The following AKAP19 variants were observed in gnomAD, a reference collection of about 807,000 sequenced individuals.
The protein encoded by AKAP19 is small A-kinase anchoring protein.
chr2:189,987,228 A>T, the AKAP19 span, among the ~76,000 whole-genome samples: 2 of 152,154 alleles, frequency 1.3e-5, no homozygotes, highest in African/African-American at 4.8e-5. Flanking sequence ...TGATGGGTTT[A>T]TGAGGGGGTT....
the AKAP19 span, among the ~76,000 whole-genome samples, chr2:190,094,154 T>C: frequency 6.6e-6 from 1 of 152,236 alleles, no homozygotes; most frequent in Non-Finnish European, 1.5e-5. Context: ...GTCTTGTGGC[T>C]GGAAAGCAAG....
At chr2:190,046,712 A>G in the AKAP19 span, among the ~76,000 whole-genome samples, 1 of 152,352 alleles carries the variant, frequency 6.6e-6, no homozygotes, top group African/African-American at 2.4e-5. Flanking sequence ...CAAGTATCTA[A>G]TATCAAATTG....
the AKAP19 span, among the ~76,000 whole-genome samples, chr2:190,195,944 T>TC: frequency 0.18 from 24,738 of 140,426 alleles, 2,718 homozygotes; most frequent in East Asian, 0.36. Context: ...TGTCCAGCTT[T>TC]TTTTTTTTTT....
chr2:190,142,183 C>T, the AKAP19 span, among the ~76,000 whole-genome samples: 1 of 152,162 alleles, frequency 6.6e-6, no homozygotes, highest in African/African-American at 2.4e-5. Context: ...AGTGTTTCAG[C>T]AAGTTGTTTC....
At chr2:190,197,677 T>C in the AKAP19 span, among the ~76,000 whole-genome samples, 1 of 152,188 alleles carries the variant, frequency 6.6e-6, no homozygotes, top group Non-Finnish European at 1.5e-5. The surrounding 1 kb of genome is among the most constrained non-coding windows in gnomAD (Gnocchi z 4.0). Context: ...GTGTTTTTCT[T>C]CTCTCAGGGA....
the AKAP19 span, among the ~76,000 whole-genome samples, chr2:189,897,296 T>G: frequency 6.6e-6 from 1 of 152,164 alleles, no homozygotes; most frequent in Non-Finnish European, 1.5e-5. Context: ...ACAAACCTTG[T>G]TATATATAAT....
At chr2:190,120,159 A>G in the AKAP19 span, among the ~76,000 whole-genome samples, 4 of 152,252 alleles carry the variant, frequency 2.6e-5, no homozygotes, top group Admixed American at 1.3e-4. Context: ...TTCCTGTCAG[A>G]TCAGCTGCAG....
At chr2:190,127,440 G>T in the AKAP19 span, among the ~76,000 whole-genome samples, 1 of 151,476 alleles carries the variant, frequency 6.6e-6, no homozygotes, top group African/African-American at 2.4e-5. Context: ...TGGATTTATG[G>T]ATAATATATC....
At chr2:189,992,813 A>T in the AKAP19 span, among the ~76,000 whole-genome samples, 1 of 151,982 alleles carries the variant, frequency 6.6e-6, no homozygotes, top group East Asian at 1.9e-4. Flanking sequence ...TTTGATTCTC[A>T]GCCTTGTTGT....
chr2:190,046,529 G>A, the AKAP19 span, among the ~76,000 whole-genome samples: 1 of 152,048 alleles, frequency 6.6e-6, no homozygotes, highest in Admixed American at 6.6e-5. Context: ...AGAATTGGAT[G>A]GGAAAAAATA....
chr2:189,960,181 G>T, the AKAP19 span, among the ~76,000 whole-genome samples: 1 of 152,142 alleles, frequency 6.6e-6, no homozygotes, highest in Non-Finnish European at 1.5e-5. Context: ...CTGTTAGGTT[G>T]TTAGCTCAAG....
At chr2:190,141,086 A>C in the AKAP19 span, among the ~76,000 whole-genome samples, 1 of 152,220 alleles carries the variant, frequency 6.6e-6, no homozygotes, top group African/African-American at 2.4e-5. Context: ...TCCCTCTGAG[A>C]CCACCTCAGC....
the AKAP19 span, among the ~76,000 whole-genome samples, chr2:190,146,087 T>A: frequency 6.6e-6 from 1 of 152,150 alleles, no homozygotes; most frequent in Admixed American, 6.5e-5. Context: ...TTTGTAAGAT[T>A]TTGGTGCACC....
the AKAP19 span, among the ~76,000 whole-genome samples, chr2:190,135,305 C>T: frequency 8.6e-4 from 131 of 152,140 alleles, no homozygotes; most frequent in East Asian, 2.9e-3. Context: ...AGGTGTGGAA[C>T]GTGGTTTTTA....
chr2:189,964,430 T>C, the AKAP19 span, among the ~76,000 whole-genome samples: 1 of 152,214 alleles, frequency 6.6e-6, no homozygotes, highest in Non-Finnish European at 1.5e-5. Context: ...ACCAGCTGCA[T>C]TAGCCCTTAA....
At chr2:189,942,004 C>A in the AKAP19 span, among the ~76,000 whole-genome samples, 3 of 151,948 alleles carry the variant, frequency 2.0e-5, no homozygotes, top group Non-Finnish European at 4.4e-5. Flanking sequence ...CAAAAAAGAG[C>A]AGGGGGAGCT....
the AKAP19 span, among the ~76,000 whole-genome samples, chr2:190,048,811 G>GA: frequency 1.3e-4 from 20 of 152,050 alleles, no homozygotes; most frequent in African/African-American, 4.6e-4. Flanking sequence ...TATCAGCAGG[G>GA]AAAAAATAGC....
At chr2:189,930,201 T>C in the AKAP19 span, 9,566 of 178,550 alleles carry the variant, frequency 0.054, 460 homozygotes, top group African/African-American at 0.13. Context: ...TCTTTGGGCT[T>C]AGTGACAACA....
At chr2:190,199,883 A>G in the AKAP19 span, 4 of 1,613,724 alleles carry the variant, frequency 2.5e-6, no homozygotes. Context: ...AAATCAAAGC[A>G]AACTTTCCCA....
Sources: gnomAD v4.1 joint callset for allele counts (sites outside exome capture counted in the v4.1 genomes callset) on GRCh38, gnomAD v4.1.1 for gene constraint, Gnocchi (gnomAD v3.1) non-coding constraint, MANE v1.5 for transcripts, NCBI Gene and HGNC (gene_info 2026-07-23, HGNC 2026-07-21) for gene names.